CADM2: variants seen among roughly 807,000 people sequenced by gnomAD.
CADM2 encodes immunoglobulin superfamily member 4D.
Under a neutral mutation model 49.8 loss-of-function variants are expected in CADM2, and 12 were observed. The observed-to-expected ratio is 0.24, with a 90% CI of 0.15 to 0.39. The LOEUF is 0.39. Ranked by LOEUF, CADM2 falls within the 10% of genes least tolerant of loss-of-function variation. The pLI is 1.00. For synonymous variants in CADM2, 214 were observed against 175.4 expected, an observed-to-expected ratio of 1.22 and a Z score of -1.74; for missense variants, 378 against 492.3, an observed-to-expected ratio of 0.77 and a Z score of 2.20.
At chr3:84,990,986 A>G (rs1336370281) in intron 1 of CADM2, among the ~76,000 whole-genome samples, 1 of 152,086 alleles carries the variant, frequency 6.6e-6, no homozygotes, top group African/African-American at 2.4e-5. Flanking sequence ...TTAAAGTTCC[A>G]TTTCAGTAAA....
chr3:85,482,009 T>C (rs769918986), intron 1 of CADM2, among the ~76,000 whole-genome samples: 4 of 151,800 alleles, frequency 2.6e-5, no homozygotes, highest in Non-Finnish European at 4.4e-5. Context: ...CAGTTTCATA[T>C]GTCACAAGTG....
intron 3 of CADM2, among the ~76,000 whole-genome samples, chr3:85,840,789 A>G (rs994575889): frequency 1.3e-5 from 2 of 151,860 alleles, no homozygotes; most frequent in Admixed American, 1.3e-4. Context: ...TTATATGGAT[A>G]GAACTTTGAA....
chr3:85,738,485 T>A (rs1011480464), intron 2 of CADM2, among the ~76,000 whole-genome samples: 1 of 152,212 alleles, frequency 6.6e-6, no homozygotes, highest in Admixed American at 6.5e-5. Context: ...GCTTTGGGAT[T>A]TTTCACACTC....
intron 2 of CADM2, among the ~76,000 whole-genome samples, chr3:85,748,660 C>G (rs1424541935): frequency 1.3e-5 from 2 of 152,100 alleles, no homozygotes; most frequent in Non-Finnish European, 2.9e-5. Flanking sequence ...CACAGCTGCC[C>G]TCATCCTAAT....
At chr3:85,736,888 G>A (rs2068163217) in intron 2 of CADM2, among the ~76,000 whole-genome samples, 1 of 152,110 alleles carries the variant, frequency 6.6e-6, no homozygotes, top group Non-Finnish European at 1.5e-5. Flanking sequence ...TGGTAGATTG[G>A]CCCAGAGTGG....
chr3:85,609,063 T>C (rs1012381565), intron 1 of CADM2, among the ~76,000 whole-genome samples: 2 of 152,116 alleles, frequency 1.3e-5, no homozygotes, highest in Non-Finnish European at 2.9e-5. Flanking sequence ...GTTTCCTCCA[T>C]GTTTTTTCAA....
chr3:85,221,027 CTG>C (rs769279064), intron 1 of CADM2, among the ~76,000 whole-genome samples: 16 of 152,076 alleles, frequency 1.1e-4, no homozygotes, highest in Non-Finnish European at 2.4e-4. Flanking sequence ...GCCTGTGAAA[CTG>C]TAGGAGAATT....
At chr3:85,060,011 C>T (rs2036243560) in intron 1 of CADM2, among the ~76,000 whole-genome samples, 1 of 152,208 alleles carries the variant, frequency 6.6e-6, no homozygotes, top group South Asian at 2.1e-4. Flanking sequence ...TCTCACCCTA[C>T]TTTAATTTCA....
At chr3:85,224,603 T>C (rs1283099762) in intron 1 of CADM2, among the ~76,000 whole-genome samples, 1 of 152,206 alleles carries the variant, frequency 6.6e-6, no homozygotes, top group Non-Finnish European at 1.5e-5. Context: ...CTCTTTAGTT[T>C]AATTAGATCC....
chr3:85,414,643 C>T (rs1367817465), intron 1 of CADM2, among the ~76,000 whole-genome samples: 1 of 152,094 alleles, frequency 6.6e-6, no homozygotes, highest in African/African-American at 2.4e-5. Flanking sequence ...CCAGGGGAAA[C>T]TTTCAATTTA....
rs544780414 is a variant in CADM2 at position 85,681,753 on chromosome 3, A to G, written c.62-44769A>G. 8.5e-5 allele frequency among the ~76,000 whole-genome samples: 13 copies of G among 152,290 alleles called. No homozygotes were observed. In the South Asian group the frequency reaches 2.7e-3, roughly 32 times the overall value. ...AACCCATTTAACTTCATAGTAGCACAGAGAAAAAAATTAAATAGCATATTT... is the reference window on the plus strand; with the variant it reads ...AACCCATTTAACTTCATAGTAGCACGGAGAAAAAAATTAAATAGCATATTT... On this transcript the variant is annotated intron_variant, in intron 1 of 9. Coordinates refer to ENST00000383699, the MANE Select transcript of CADM2 (RefSeq NM_001167675.2).
chr3:85,565,671 G>T (rs1230837283), intron 1 of CADM2, among the ~76,000 whole-genome samples: 2 of 152,008 alleles, frequency 1.3e-5, no homozygotes, highest in African/African-American at 4.8e-5. Flanking sequence ...ACTGGGGTGT[G>T]AACTTGAAGA....
rs142981175 is a variant in CADM2 at position 85,628,671 on chromosome 3, A to G, written c.62-97851A>G. ...CACACACATATGTATATGTGTATAT[A>G]TACACATATATATATATATAATTTG... On this transcript the variant is annotated intron_variant, in intron 1 of 9. Coordinates refer to ENST00000383699, the MANE Select transcript of CADM2 (RefSeq NM_001167675.2). 3.6e-3 allele frequency among the ~76,000 whole-genome samples: 541 copies of G among 148,460 alleles called. 2 individuals carry two copies. The highest frequency in any genetic ancestry group is 6.1e-3 in the Admixed American group (89 of 14,640).
intron 3 of CADM2, among the ~76,000 whole-genome samples, chr3:85,803,676 A>T (rs1054475373): frequency 1.3e-5 from 2 of 152,104 alleles, no homozygotes; most frequent in Admixed American, 1.3e-4. Flanking sequence ...GTCAGGGAGA[A>T]TTTCTTCTTC....
chr3:85,350,150 T>C (rs994730620), intron 1 of CADM2, among the ~76,000 whole-genome samples: 2 of 152,228 alleles, frequency 1.3e-5, no homozygotes, highest in Non-Finnish European at 2.9e-5. Flanking sequence ...GGAATTATTT[T>C]AGTTCTTAGT....
In CADM2 at chr3:85,347,223, C is replaced by CAA. The variant is rs11331703; in HGVS notation, c.62-379273_62-379272dup. ...GTCAACAGAGTGACACTCTGTCTCA[C>CAA]AAAAAAAAAAAAAAAAAAAAAAAAA... is the stretch of plus-strand genomic sequence containing the variant. On this transcript the variant is annotated intron_variant, in intron 1 of 9. Coordinates refer to ENST00000383699, the MANE Select transcript of CADM2 (RefSeq NM_001167675.2). 9.5e-3 allele frequency among the ~76,000 whole-genome samples: 440 copies of CAA among 46,152 alleles called. 75 individuals are homozygous for CAA. The highest frequency in any genetic ancestry group is 0.033 in the Middle Eastern group (1 of 30). The allele number at this position is 46,152 out of a possible 152,430, so 30.3% of individuals were successfully genotyped here. A position where few individuals can be genotyped will look rare whatever the true frequency, so the allele number is the denominator to read the frequency against.
intron 1 of CADM2, among the ~76,000 whole-genome samples, chr3:85,104,182 T>C (rs1026282559): frequency 9.9e-5 from 15 of 151,296 alleles, no homozygotes; most frequent in African/African-American, 3.6e-4. Context: ...TGGTTTTAGG[T>C]CTAACGTTTA....
rs149645734 is a variant in CADM2 at position 85,647,799 on chromosome 3, A to G, written c.62-78723A>G. Among the ~76,000 whole-genome samples the G allele has an allele frequency of 2.5e-4, 38 of 151,946 alleles. No individual in the cohort carries two copies. In the East Asian group the frequency reaches 6.6e-3, roughly 26 times the overall value. Reference sequence around the variant, plus strand: ...ATGAAAACTACAAAACCACGTAGATATCCATTCACTAATTTCATATCAACT... The same window carrying G: ...ATGAAAACTACAAAACCACGTAGATGTCCATTCACTAATTTCATATCAACT... On this transcript the variant is annotated intron_variant, in intron 1 of 9. Coordinates refer to ENST00000383699, the MANE Select transcript of CADM2 (RefSeq NM_001167675.2).
chr3:85,370,483 G>A (rs2033149913), intron 1 of CADM2, among the ~76,000 whole-genome samples: 2 of 151,782 alleles, frequency 1.3e-5, no homozygotes, highest in African/African-American at 4.8e-5. Flanking sequence ...CTATTGCCTA[G>A]TGCTGTCATA....
Sources: allele counts gnomAD v4.1 joint callset (sites outside exome capture counted in the v4.1 genomes callset), GRCh38; gene constraint gnomAD v4.1.1; transcripts MANE v1.5; gene names NCBI Gene and HGNC (gene_info 2026-07-23, HGNC 2026-07-21).